The following MYO9A variants were observed in gnomAD, a reference collection of about 807,000 sequenced individuals.
MYO9A encodes the protein myosin IXA.
In MYO9A, 103 loss-of-function variants were observed where a neutral mutation model predicts 293.3. The observed-to-expected ratio is 0.35, with a 90% CI of 0.30 to 0.41. MYO9A has a LOEUF of 0.41. MYO9A is among the 10% of genes least tolerant of loss of function. The probability of loss-of-function intolerance (pLI) is 1.00; values close to 1 mark genes in which losing one functional copy is unlikely to be tolerated. For missense variants in MYO9A, 2,685 were observed against 3,033.0 expected (o/e 0.89, Z 2.69); for synonymous variants, 1,001 against 1,035.7 (o/e 0.97, Z 0.64).
chr15:71,873,302 T>A (rs2056579010), intron 32 of MYO9A, among the ~76,000 whole-genome samples: 1 of 152,176 alleles, frequency 6.6e-6, no homozygotes, highest in South Asian at 2.1e-4. Context: ...ATTATATAGA[T>A]GTATCTAATT....
intron 39 of MYO9A, among the ~76,000 whole-genome samples, chr15:71,838,203 T>C (rs984894608): frequency 2.0e-5 from 3 of 152,152 alleles, no homozygotes; most frequent in Non-Finnish European, 4.4e-5. Context: ...TATTTACTTA[T>C]AGGAGCTTCT....
At chr15:71,886,690 T>C (rs1472345346) in intron 27 of MYO9A, among the ~76,000 whole-genome samples, 1 of 152,178 alleles carries the variant, frequency 6.6e-6, no homozygotes, top group Non-Finnish European at 1.5e-5. Flanking sequence ...ATTTACTTTT[T>C]GGATTCCACA....
intron 18 of MYO9A, among the ~76,000 whole-genome samples, chr15:71,930,351 T>C (rs1314948076): frequency 6.6e-6 from 1 of 152,218 alleles, no homozygotes; most frequent in Non-Finnish European, 1.5e-5. Flanking sequence ...TTCAGATGTC[T>C]CAATATTTGC....
intron 18 of MYO9A, among the ~76,000 whole-genome samples, chr15:71,921,681 A>G (rs2058158813): frequency 6.6e-6 from 1 of 152,226 alleles, no homozygotes; most frequent in East Asian, 1.9e-4. Context: ...TAAAAGTAGT[A>G]AGAAGTTTAA....
At chr15:71,872,213 T>G (rs1158640474) in intron 32 of MYO9A, among the ~76,000 whole-genome samples, 1 of 151,678 alleles carries the variant, frequency 6.6e-6, no homozygotes, top group Non-Finnish European at 1.5e-5. Flanking sequence ...ATTAAGTAAA[T>G]AATCAACTAA....
At chr15:71,876,425 A>ATTTTTTT (rs397854202) in intron 31 of MYO9A, among the ~76,000 whole-genome samples, 4 of 61,072 alleles carry the variant, frequency 6.5e-5, no homozygotes, top group African/African-American at 1.7e-4. Flanking sequence ...CCTGGCTGGT[A>ATTTTTTT]TTTTTTTTTT....
chr15:72,049,887 T>C (rs1485498565), intron 1 of MYO9A, among the ~76,000 whole-genome samples: 1 of 152,214 alleles, frequency 6.6e-6, no homozygotes, highest in Non-Finnish European at 1.5e-5. Context: ...ACCACTGTAC[T>C]AAGTAACTAC....
At chr15:71,904,165 T>G in intron 20 of MYO9A, 126 bp from the exon 21 acceptor site, 2 of 721,332 alleles carry the variant, frequency 2.8e-6, no homozygotes, top group Non-Finnish European at 4.6e-6. Context: ...ACATATACAG[T>G]AACTAAGTAT....
intron 1 of MYO9A, among the ~76,000 whole-genome samples, chr15:72,054,106 A>C (rs1318295434): frequency 6.6e-6 from 1 of 152,226 alleles, no homozygotes; most frequent in East Asian, 1.9e-4. Flanking sequence ...AGGAGAAGAA[A>C]TACCATGCAA....
At chr15:72,076,740 A>G (rs191706908) in intron 1 of MYO9A, among the ~76,000 whole-genome samples, 110 of 152,318 alleles carry the variant, frequency 7.2e-4, no homozygotes, top group Non-Finnish European at 1.2e-3. Context: ...ATATTGACAA[A>G]CTTATATCGT....
chr15:71,964,259 T>A (rs1466274181), intron 13 of MYO9A, among the ~76,000 whole-genome samples: 1 of 152,222 alleles, frequency 6.6e-6, no homozygotes, highest in East Asian at 1.9e-4. Context: ...GTCTGCTTTA[T>A]ATTGCACTGA....
intron 11 of MYO9A, among the ~76,000 whole-genome samples, chr15:71,983,033 A>C (rs2076314768): frequency 6.6e-6 from 1 of 152,154 alleles, no homozygotes; most frequent in African/African-American, 2.4e-5. Context: ...TATATTTAAA[A>C]TGTCTCTCAT....
At chr15:71,910,687 T>C (rs1408576994) in intron 19 of MYO9A, among the ~76,000 whole-genome samples, 1 of 152,214 alleles carries the variant, frequency 6.6e-6, no homozygotes, top group Admixed American at 6.5e-5. Context: ...TATTGCTTTG[T>C]GGTATTAATT....
Position 71,827,040 on chromosome 15 carries a change from C to T in MYO9A, c.7187G>A (p.Arg2396Lys), listed in dbSNP as rs771039618. ...CTTCAGGGAGCTAAGGGCTAAGCTTCTTTCTAATGCAAAAAAGAGACCAAA... is the reference window on the plus strand; with the variant it reads ...CTTCAGGGAGCTAAGGGCTAAGCTTTTTTCTAATGCAAAAAAGAGACCAAA... ...SEYAISEKSERSLALSSLKTA... is the reference protein window; with the variant it reads ...SEYAISEKSEKSLALSSLKTA... Residue 2396 changes from arginine (R) to lysine (K), a missense_variant, in exon 42 of 42, where the codon AGA (arginine) becomes AAA (lysine). This residue lies in a region of MYO9A where 350 missense variants were observed against 328.9 expected (regional missense o/e 1.06). Transcript: ENST00000356056. 1.3e-6 allele frequency: 2 copies of T among 1,558,258 alleles called. No individual in the cohort carries two copies. Among genetic ancestry groups the T allele is most frequent in the Non-Finnish European group, 1.7e-6 (2 of 1,158,774 alleles).
intron 11 of MYO9A, among the ~76,000 whole-genome samples, chr15:71,988,908 T>C (rs544405665): frequency 1.3e-5 from 2 of 152,314 alleles, no homozygotes; most frequent in African/African-American, 4.8e-5. Flanking sequence ...CCCACTCTTT[T>C]TTTTGAGATA....
chr15:71,955,700 A>G (rs1164632845), intron 14 of MYO9A, among the ~76,000 whole-genome samples: 2 of 152,188 alleles, frequency 1.3e-5, no homozygotes, highest in African/African-American at 4.8e-5. Context: ...TTCACCTACT[A>G]AACAATTCCT....
intron 1 of MYO9A, among the ~76,000 whole-genome samples, chr15:72,101,381 G>A (rs1417214337): frequency 6.8e-6 from 1 of 146,544 alleles, no homozygotes; most frequent in African/African-American, 2.5e-5. Context: ...CATCTGGGAG[G>A]TGAGGGGCGC....
chr15:72,016,557 G>A (rs1450743699), intron 6 of MYO9A, among the ~76,000 whole-genome samples: 1 of 152,186 alleles, frequency 6.6e-6, no homozygotes, highest in Non-Finnish European at 1.5e-5. Context: ...TACCTATGAT[G>A]CTAGTCACAT....
At position 72,007,983 on chromosome 15, in the gene MYO9A, G is replaced by C; in HGVS notation, c.1254-31C>G. The C allele has an allele frequency of 2.5e-6, 4 of 1,588,522 alleles. No homozygotes were observed. In the South Asian group the frequency reaches 4.7e-5, roughly 18 times the overall value. On this transcript the variant is annotated intron_variant, in intron 7 of 41. Coordinates refer to ENST00000356056, the MANE Select transcript of MYO9A (RefSeq NM_006901.4). ...AAAATAAAACACAAATTATAGCTTA[G>C]TTGTGTCCATTCCCAAAGCTCATTT...
Sources: gnomAD v4.1 joint callset for allele counts (sites outside exome capture counted in the v4.1 genomes callset) on GRCh38, gnomAD v4.1.1 for gene constraint, gnomAD v4.1.1 regional missense constraint, MANE v1.5 for transcripts, NCBI Gene and HGNC (gene_info 2026-07-23, HGNC 2026-07-21) for gene names.